Variants in GPC5 observed in about 807,000 individuals in gnomAD.
The protein encoded by GPC5 is glypican 5.
Under a neutral mutation model 53.9 loss-of-function variants are expected in GPC5, and 47 were observed. The observed-to-expected ratio is 0.87, with a 90% CI of 0.69 to 1.11. The LOEUF (loss-of-function observed/expected upper bound fraction) is 1.11. Among genes scored for constraint, GPC5 ranks in the 50% most tolerant of loss-of-function variants. The pLI, the probability that GPC5 is intolerant of heterozygous loss-of-function variation, is 0.00. For missense variants in GPC5, 748 were observed against 713.1 expected (o/e 1.05, Z -0.56); for synonymous variants, 286 against 263.3 (o/e 1.09, Z -0.84).
intron 7 of GPC5, chr13:92,701,337 T>G (rs1252062678): frequency 6.6e-6 from 1 of 152,160 alleles, no homozygotes; most frequent in African/African-American, 2.4e-5. Context: ...ACATTAAAAT[T>G]TGATGTTTTG....
chr13:91,640,408 C>G (rs2034395600), intron 2 of GPC5, among the ~76,000 whole-genome samples: 2 of 152,102 alleles, frequency 1.3e-5, no homozygotes, highest in South Asian at 4.1e-4. Context: ...TAGATAAATG[C>G]AAATCAAAAT....
intron 2 of GPC5, among the ~76,000 whole-genome samples, chr13:91,581,846 T>C (rs771039402): frequency 3.3e-4 from 50 of 151,952 alleles, no homozygotes; most frequent in Non-Finnish European, 6.3e-4. Context: ...TGAGGGACTA[T>C]ATATATAAAT....
chr13:91,658,988 A>T (rs1271250530), intron 2 of GPC5, among the ~76,000 whole-genome samples: 1 of 152,132 alleles, frequency 6.6e-6, no homozygotes, highest in African/African-American at 2.4e-5. Flanking sequence ...TATATCATGT[A>T]CTGCATTTTT....
chr13:91,532,360 A>G (rs758242188), intron 2 of GPC5, among the ~76,000 whole-genome samples: 5 of 152,166 alleles, frequency 3.3e-5, no homozygotes, highest in African/African-American at 4.8e-5. Context: ...AAATAAATGA[A>G]CTAATTGCAG....
intron 5 of GPC5, among the ~76,000 whole-genome samples, chr13:91,837,622 T>C (rs2038736495): frequency 6.6e-6 from 1 of 152,158 alleles, no homozygotes; most frequent in African/African-American, 2.4e-5. Context: ...TGGAGTTGTG[T>C]TTTGGTAAAT....
At chr13:92,216,942 G>A (rs1046238403) in intron 7 of GPC5, among the ~76,000 whole-genome samples, 1 of 150,554 alleles carries the variant, frequency 6.6e-6, no homozygotes, top group Admixed American at 6.6e-5. Flanking sequence ...TCGCACTACT[G>A]GGCTCCAGCC....
At chr13:91,481,104 C>T (rs1461441670) in intron 2 of GPC5, among the ~76,000 whole-genome samples, 1 of 152,140 alleles carries the variant, frequency 6.6e-6, no homozygotes, top group Non-Finnish European at 1.5e-5. Context: ...ATACAAACAT[C>T]TGGCTCTCTC....
chr13:92,862,614 GAGATAGATAGACAGAT>G lies in GPC5; in HGVS notation c.1562-3656_1562-3641del, dbSNP rs1383720975. Among the ~76,000 whole-genome samples, 155 of 142,098 alleles carry G rather than the reference GAGATAGATAGACAGAT, an allele frequency of 1.1e-3. 1 individual carries two copies. Among genetic ancestry groups the G allele is most frequent in the South Asian group, 5.1e-3 (22 of 4,306 alleles). 93.2% of individuals were successfully genotyped at this position (142,098 alleles called of 152,430 possible). On this transcript the variant is annotated intron_variant, in intron 7 of 7. Transcript: ENST00000377067. The stretch of plus-strand genomic sequence containing the variant: ...AATCTGGTGTCAGATATATCTAGTG[GAGATAGATAGACAGAT>G]AGATAGATAGATAGATAGATAGATA...
chr13:91,932,776 T>C (rs2039833836), intron 6 of GPC5, among the ~76,000 whole-genome samples: 1 of 151,978 alleles, frequency 6.6e-6, no homozygotes. Context: ...CCTCCTAGCA[T>C]CTAAACTCTC....
intron 6 of GPC5, among the ~76,000 whole-genome samples, chr13:91,955,500 T>C (rs2040064715): frequency 6.6e-6 from 1 of 151,978 alleles, no homozygotes; most frequent in Non-Finnish European, 1.5e-5. Flanking sequence ...AACACCCAAA[T>C]CAAGGAAGAA....
At chr13:92,337,192 AC>A (rs1384759862) in intron 7 of GPC5, among the ~76,000 whole-genome samples, 4 of 113,360 alleles carry the variant, frequency 3.5e-5, no homozygotes, top group East Asian at 4.5e-4. Context: ...TGTTAGCAGC[AC>A]CCCCCACCCA....
chr13:92,854,973 A>G (rs1006354756), intron 7 of GPC5, among the ~76,000 whole-genome samples: 3 of 151,996 alleles, frequency 2.0e-5, no homozygotes, highest in Non-Finnish European at 4.4e-5. Flanking sequence ...CCAATGCCCA[A>G]ATAAGTTTCC....
At chr13:92,521,014 C>T (rs185092215) in intron 7 of GPC5, among the ~76,000 whole-genome samples, 25 of 152,292 alleles carry the variant, frequency 1.6e-4, no homozygotes, top group African/African-American at 5.5e-4. Context: ...CATGAGTGAA[C>T]TCCCATTCAC....
intron 7 of GPC5, among the ~76,000 whole-genome samples, chr13:92,318,255 A>C (rs1398921283): frequency 6.6e-6 from 1 of 152,142 alleles, no homozygotes; most frequent in Non-Finnish European, 1.5e-5. Flanking sequence ...GAAAAGTATT[A>C]ACTGGCTTGC....
intron 7 of GPC5, among the ~76,000 whole-genome samples, chr13:92,245,880 G>A (rs1050617715): frequency 3.3e-5 from 5 of 151,774 alleles, no homozygotes; most frequent in African/African-American, 1.2e-4. Flanking sequence ...TTTTTGCTTA[G>A]GTTCTAATTT....
chr13:92,124,747 G>A (rs1259743569), intron 6 of GPC5, among the ~76,000 whole-genome samples: 6 of 151,806 alleles, frequency 4.0e-5, no homozygotes, highest in Non-Finnish European at 7.4e-5. Flanking sequence ...TGAAGAGCAG[G>A]ATAAAAAAAA....
intron 7 of GPC5, among the ~76,000 whole-genome samples, chr13:92,860,200 GCTA>G (rs1299822609): frequency 6.6e-6 from 1 of 152,032 alleles, no homozygotes; most frequent in Admixed American, 6.6e-5. Flanking sequence ...AAAAAGGAAG[GCTA>G]CTATTGCTAT....
chr13:91,780,139 T>C (rs888691024), intron 5 of GPC5, among the ~76,000 whole-genome samples: 1 of 152,202 alleles, frequency 6.6e-6, no homozygotes, highest in Admixed American at 6.5e-5. Context: ...GCTATAGGAA[T>C]TTTTCAGCTG....
intron 4 of GPC5, among the ~76,000 whole-genome samples, chr13:91,733,417 G>A (rs2036745616): frequency 6.6e-6 from 1 of 152,204 alleles, no homozygotes; most frequent in Non-Finnish European, 1.5e-5. Context: ...ACAGGCGTCA[G>A]CCACCGGGCA....
Sources: allele counts gnomAD v4.1 joint callset (sites outside exome capture counted in the v4.1 genomes callset), GRCh38; gene constraint gnomAD v4.1.1; transcripts MANE v1.5; gene names NCBI Gene and HGNC (gene_info 2026-07-23, HGNC 2026-07-21).